Variants in EPHB2 observed in about 807,000 individuals in gnomAD.
EPHB2 encodes the protein ephrin type-B receptor 2.
Under a neutral mutation model 96.4 loss-of-function variants are expected in EPHB2, and 18 were observed. That is an observed-to-expected ratio of 0.19 (90% CI 0.13 to 0.28). The LOEUF (loss-of-function observed/expected upper bound fraction) is 0.28, where lower values mean the gene tolerates loss of function less well. EPHB2 is among the 10% of genes least tolerant of loss of function. The pLI is 1.00. For missense variants in EPHB2, 989 were observed against 1,355.4 expected (o/e 0.73, Z 4.25); for synonymous variants, 506 against 534.1 (o/e 0.95, Z 0.72).
At chr1:22,713,512 C>A (rs1470009163) in intron 1 of EPHB2, among the ~76,000 whole-genome samples, 3 of 152,142 alleles carry the variant, frequency 2.0e-5, no homozygotes, top group Non-Finnish European at 4.4e-5. Context: ...GAGGATCAGA[C>A]CAGATGATGG....
chr1:22,824,454 C>T (rs748658300), intron 3 of EPHB2, among the ~76,000 whole-genome samples: 24 of 152,214 alleles, frequency 1.6e-4, no homozygotes, highest in East Asian at 1.9e-4. Context: ...TATTGGGCCC[C>T]AGCTGCGCTC....
At chr1:22,866,358 T>TC (rs1318222677) in intron 5 of EPHB2, among the ~76,000 whole-genome samples, 3 of 152,030 alleles carry the variant, frequency 2.0e-5, no homozygotes, top group Admixed American at 6.5e-5. Context: ...CATGCAGGGA[T>TC]CCAGTTGTGG....
intron 5 of EPHB2, among the ~76,000 whole-genome samples, chr1:22,869,401 A>G (rs1383246156): frequency 6.6e-6 from 1 of 152,056 alleles, no homozygotes; most frequent in African/African-American, 2.4e-5. Flanking sequence ...CAGAGCCTAC[A>G]TACAAGATGG....
At chr1:22,749,147 A>G (rs1644023371) in intron 1 of EPHB2, among the ~76,000 whole-genome samples, 1 of 151,308 alleles carries the variant, frequency 6.6e-6, no homozygotes, top group South Asian at 2.1e-4. Context: ...CAGCCTCCCT[A>G]GTAGCTGGGA....
intron 12 of EPHB2, 89 bp from the exon 13 acceptor site, chr1:22,908,933 G>C: frequency 6.4e-7 from 1 of 1,569,872 alleles, no homozygotes. Flanking sequence ...TGAGATTGGG[G>C]CATCACAGGG....
intron 3 of EPHB2, among the ~76,000 whole-genome samples, chr1:22,808,053 G>A (rs112686537): frequency 1.3e-4 from 19 of 151,942 alleles, no homozygotes; most frequent in Non-Finnish European, 2.6e-4. Context: ...AGAATTGCTT[G>A]AGCCTGGGAG....
intron 1 of EPHB2, among the ~76,000 whole-genome samples, chr1:22,758,764 A>G (rs1644191780): frequency 6.6e-6 from 1 of 151,808 alleles, no homozygotes; most frequent in African/African-American, 2.4e-5. Flanking sequence ...TCAAGATTTT[A>G]TAGTCAGTGA....
chr1:22,917,729 A>G lies in EPHB2; in HGVS notation c.*4159A>G, dbSNP rs1640302830. 2 of 152,326 alleles carry G rather than the reference A, an allele frequency of 1.3e-5. No individual in the cohort carries two copies. The highest frequency in any genetic ancestry group is 2.9e-5 in the Non-Finnish European group (2 of 68,122). 9.4% of individuals were successfully genotyped at this position (152,326 alleles called of 1,614,324 possible). Reference sequence around the variant, plus strand: ...AACACAGCCAGGAAGGAGCAGAGCAAGGCCATGAGCTTTGGATTTTTCTGT... The same window carrying G: ...AACACAGCCAGGAAGGAGCAGAGCAGGGCCATGAGCTTTGGATTTTTCTGT... On this transcript the variant is annotated 3_prime_UTR_variant, in exon 16 of 16. Transcript: ENST00000374630.
In EPHB2 at chr1:22,784,780, G is replaced by A. The variant is rs1436755607; in HGVS notation, c.515G>A (p.Ser172Asn). The part of the protein sequence containing the change: ...EVRSFGPVSR[S>N]GFYLAFQDYG... The stretch of plus-strand genomic sequence containing the variant: ...CGGAGCTTCGGACCTGTGTCCCGCA[G>A]CGGCTTCTACCTGGCCTTCCAGGAC... Residue 172 changes from serine to asparagine, a missense_variant, in exon 3 of 16, where the codon AGC (serine) becomes AAC (asparagine). By Grantham distance (46) the Ser-to-Asn change is conservative. Coordinates refer to ENST00000374630, the MANE Select transcript of EPHB2 (RefSeq NM_017449.5). This position sits in a 1 kb window ranked among gnomAD's most constrained non-coding sequence, Gnocchi z 5.1. 4 of 1,606,970 alleles carry A rather than the reference G, an allele frequency of 2.5e-6. No homozygotes were observed. In the African/African-American group the frequency reaches 5.3e-5, roughly 21 times the overall value.
intron 3 of EPHB2, among the ~76,000 whole-genome samples, chr1:22,844,327 T>G (rs890589521): frequency 6.6e-6 from 1 of 152,240 alleles, no homozygotes; most frequent in Non-Finnish European, 1.5e-5. Context: ...CAGAGAGGTA[T>G]ATGCTCATGT....
At chr1:22,767,543 C>G (rs1265691021) in intron 1 of EPHB2, among the ~76,000 whole-genome samples, 2 of 152,204 alleles carry the variant, frequency 1.3e-5, no homozygotes, top group African/African-American at 4.8e-5. Context: ...CTTAGAGGAG[C>G]TCAGGTGCTA....
chr1:22,774,255 A>G (rs998793977), intron 1 of EPHB2, among the ~76,000 whole-genome samples: 1 of 152,130 alleles, frequency 6.6e-6, no homozygotes, highest in Non-Finnish European at 1.5e-5. Flanking sequence ...CTCTCCCTGC[A>G]GTAAGTTCAC....
At chr1:22,776,299 C>G (rs527469742) in intron 1 of EPHB2, among the ~76,000 whole-genome samples, 185 of 152,352 alleles carry the variant, frequency 1.2e-3, no homozygotes, top group Admixed American at 2.1e-3. Flanking sequence ...CTTTAAGCCT[C>G]CATGCAGGCG....
At chr1:22,831,103 C>T (rs923379630) in intron 3 of EPHB2, among the ~76,000 whole-genome samples, 2 of 152,084 alleles carry the variant, frequency 1.3e-5, no homozygotes, top group African/African-American at 4.8e-5. Flanking sequence ...CCAGGGGCTC[C>T]CCAGATCAAC....
chr1:22,727,863 G>T (rs536208815), intron 1 of EPHB2, among the ~76,000 whole-genome samples: 1 of 144,392 alleles, frequency 6.9e-6, no homozygotes, highest in African/African-American at 2.6e-5. Flanking sequence ...GGCTGGTCTT[G>T]AACTCCTGGG....
chr1:22,740,999 G>T (rs560276536), intron 1 of EPHB2, among the ~76,000 whole-genome samples: 1 of 152,094 alleles, frequency 6.6e-6, no homozygotes, highest in South Asian at 2.1e-4. Flanking sequence ...TGACGGCGGG[G>T]ATTGACGATC....
rs751635840 is a variant in EPHB2 at position 22,913,455 on chromosome 1, C to T, written c.2853-7C>T. 1 of 1,614,152 alleles carries T rather than the reference C, an allele frequency of 6.2e-7. No individual in the cohort carries two copies. Among genetic ancestry groups the T allele is most frequent in the Non-Finnish European group, 8.5e-7 (1 of 1,180,024 alleles). On this transcript the variant is annotated splice_region_variant and splice_polypyrimidine_tract_variant and intron_variant, in intron 15 of 15. Coordinates refer to ENST00000374630, the MANE Select transcript of EPHB2 (RefSeq NM_017449.5). This position sits in a 1 kb window ranked among gnomAD's most constrained non-coding sequence, Gnocchi z 4.1. Reference sequence around the variant, plus strand: ...ATTTCCCTAACACACGTGCTTCTCTCCCAAAGGGACATTCTCCGGGTTGGG... The same window carrying T: ...ATTTCCCTAACACACGTGCTTCTCTTCCAAAGGGACATTCTCCGGGTTGGG...
In EPHB2 at chr1:22,796,289, G is replaced by A. The variant is rs557270939; in HGVS notation, c.811+11213G>A. On this transcript the variant is annotated intron_variant, in intron 3 of 15. Coordinates refer to ENST00000374630, the MANE Select transcript of EPHB2 (RefSeq NM_017449.5). ...GCTGCGTAGCCCCCATGGCTGGGGG[G>A]CCAGGGGTTATCCTGCGGGGTGGGC... 2.8e-3 allele frequency among the ~76,000 whole-genome samples: 427 copies of A among 152,272 alleles called. 3 individuals carry two copies. Among genetic ancestry groups the A allele is most frequent in the African/African-American group, 9.6e-3 (401 of 41,562 alleles).
intron 9 of EPHB2, among the ~76,000 whole-genome samples, chr1:22,902,199 C>G (rs1639774492): frequency 6.6e-6 from 1 of 152,140 alleles, no homozygotes; most frequent in Non-Finnish European, 1.5e-5. Context: ...AATGAAATTG[C>G]TATTTTTGTA....
Sources: allele counts gnomAD v4.1 joint callset (sites outside exome capture counted in the v4.1 genomes callset), GRCh38; gene constraint gnomAD v4.1.1; non-coding constraint Gnocchi (gnomAD v3.1); transcripts MANE v1.5; gene names NCBI Gene and HGNC (gene_info 2026-07-23, HGNC 2026-07-21).